The following EEF1E1 variants were observed in gnomAD, a reference collection of about 807,000 sequenced individuals.
EEF1E1 encodes eukaryotic translation elongation factor 1 epsilon-1.
Under a neutral mutation model 19.9 loss-of-function variants are expected in EEF1E1, and 19 were observed. The observed-to-expected ratio is 0.95, with a 90% CI of 0.66 to 1.40. EEF1E1 has a LOEUF of 1.40. EEF1E1 is among the 40% of genes most tolerant of loss of function. The pLI, the probability that EEF1E1 is intolerant of heterozygous loss-of-function variation, is 0.00. For missense variants in EEF1E1, 198 were observed against 202.2 expected, an observed-to-expected ratio of 0.98 and a Z score of 0.13; for synonymous variants, 81 against 80.0, an observed-to-expected ratio of 1.01 and a Z score of -0.07.
At chr6:8,078,893 G>C (rs1425311060), downstream of EEF1E1, among the ~76,000 whole-genome samples, 1 of 151,964 alleles carries the variant, frequency 6.6e-6, no homozygotes, top group Non-Finnish European at 1.5e-5. Context: ...TTAAAGTTCT[G>C]CTAGAACTTT....
Position 8,079,754 on chromosome 6 carries a change from GT to G in EEF1E1, c.*135del. 7.5e-7 allele frequency: 1 copy of G among 1,330,942 alleles called. No individual in the cohort carries two copies. Among genetic ancestry groups the G allele is most frequent in the Non-Finnish European group, 9.6e-7 (1 of 1,037,172 alleles). The allele number at this position is 1,330,942 out of a possible 1,614,324, so 82.4% of individuals were successfully genotyped here. Reference sequence around the variant, plus strand: ...GAACAAATAAAACATTCAGACACAAGTTTACACTTCAAAAATTCTATCAACT... The same window carrying G: ...GAACAAATAAAACATTCAGACACAAGTTACACTTCAAAAATTCTATCAACT... On this transcript the variant is annotated 3_prime_UTR_variant, in exon 4 of 4. Coordinates refer to ENST00000379715, the MANE Select transcript of EEF1E1 (RefSeq NM_004280.5).
chr6:8,087,735 A>T (rs752278253), intron 3 of EEF1E1, among the ~76,000 whole-genome samples: 10 of 152,222 alleles, frequency 6.6e-5, no homozygotes, highest in Non-Finnish European at 1.0e-4. Flanking sequence ...CTTACAGTCC[A>T]TCCTCTTTAG....
At chr6:8,096,732 AGC>A (rs1171155965) in intron 2 of EEF1E1, among the ~76,000 whole-genome samples, 57 of 152,126 alleles carry the variant, frequency 3.7e-4, no homozygotes, top group African/African-American at 1.3e-3. Flanking sequence ...GTAACTCTGA[AGC>A]TATATCCAGT....
intron 1 of EEF1E1, among the ~76,000 whole-genome samples, chr6:8,101,397 A>G (rs1758360943): frequency 6.7e-6 from 1 of 149,242 alleles, no homozygotes; most frequent in Non-Finnish European, 1.5e-5. Flanking sequence ...TAGGGGCCGA[A>G]GGGACGGAAT....
chr6:8,102,372 C>T, intron 1 of EEF1E1, 63 bp downstream of exon 1: 1 of 1,526,578 alleles, frequency 6.6e-7, no homozygotes, highest in East Asian at 2.3e-5. Context: ...CCGGGTCCTG[C>T]CAGGGCTCGG....
intron 1 of EEF1E1, among the ~76,000 whole-genome samples, chr6:8,100,122 C>A (rs559947133): frequency 1.3e-5 from 2 of 152,222 alleles, no homozygotes; most frequent in South Asian, 4.1e-4. Context: ...TGCTAAAATG[C>A]TTTAATTAAA....
At chr6:8,076,714 G>C (rs1172958661), downstream of EEF1E1, among the ~76,000 whole-genome samples, 1 of 152,200 alleles carries the variant, frequency 6.6e-6, no homozygotes, top group Non-Finnish European at 1.5e-5. Flanking sequence ...TAGCAGGCAT[G>C]AAAACACTGT....
chr6:8,100,548 C>G (rs1324840485), intron 1 of EEF1E1, among the ~76,000 whole-genome samples: 1 of 152,144 alleles, frequency 6.6e-6, no homozygotes, highest in Non-Finnish European at 1.5e-5. Flanking sequence ...GTCCAGCTAT[C>G]ACCGGACCTT....
chr6:8,090,883 G>A (rs2113653620), intron 2 of EEF1E1, among the ~76,000 whole-genome samples: 1 of 152,226 alleles, frequency 6.6e-6, no homozygotes, highest in South Asian at 2.1e-4. Flanking sequence ...TTCTTTTTTA[G>A]GGCTGCATAA....
chr6:8,076,504 T>TA (rs1436805225), downstream of EEF1E1, among the ~76,000 whole-genome samples: 1 of 152,000 alleles, frequency 6.6e-6, no homozygotes, highest in Non-Finnish European at 1.5e-5. Context: ...TTTGTATTTT[T>TA]AGTACAGACG....
intron 3 of EEF1E1, among the ~76,000 whole-genome samples, chr6:8,088,788 A>G (rs946062437): frequency 1.3e-5 from 2 of 152,244 alleles, no homozygotes; most frequent in East Asian, 1.9e-4. Context: ...AGGATGCACA[A>G]TCAGGCAGGC....
intron 2 of EEF1E1, among the ~76,000 whole-genome samples, chr6:8,092,727 T>C (rs549635416): frequency 4.1e-4 from 63 of 152,318 alleles, no homozygotes; most frequent in Non-Finnish European, 8.1e-4. Flanking sequence ...AAATAAAATA[T>C]CTTCATTAAA....
intron 2 of EEF1E1, among the ~76,000 whole-genome samples, chr6:8,093,324 C>CTTTTTTT (rs57000456): frequency 2.2e-5 from 3 of 135,052 alleles, no homozygotes; most frequent in Admixed American, 7.4e-5. Context: ...CATTCGCTTC[C>CTTTTTTT]TTTTTTTTTT....
chr6:8,079,528 T>C lies in EEF1E1; in HGVS notation c.*362A>G. ...TAAATATCCATAAGGGGAAAATGAA[T>C]TTTAGAATATGAAAGAGAGGTTAAT... On this transcript the variant is annotated 3_prime_UTR_variant, in exon 4 of 4. Coordinates refer to ENST00000379715, the MANE Select transcript of EEF1E1 (RefSeq NM_004280.5). The C allele has an allele frequency of 1.0e-6, 1 of 997,812 alleles. No individual in the cohort carries two copies. The highest frequency in any genetic ancestry group is 1.7e-5 in the African/African-American group (1 of 57,754). The allele number at this position is 997,812 out of a possible 1,614,324, so 61.8% of individuals were successfully genotyped here.
intron 3 of EEF1E1, among the ~76,000 whole-genome samples, chr6:8,081,049 ATT>A (rs1757711327): frequency 6.6e-6 from 1 of 152,260 alleles, no homozygotes. Context: ...TGCAGTAATT[ATT>A]ACAGAATACA....
chr6:8,098,780 G>A (rs1561645705), intron 1 of EEF1E1, among the ~76,000 whole-genome samples: 2 of 152,162 alleles, frequency 1.3e-5, no homozygotes, highest in South Asian at 4.1e-4. Flanking sequence ...ATCAACATGT[G>A]TGTACTGAAT....
intron 3 of EEF1E1, among the ~76,000 whole-genome samples, chr6:8,084,299 C>T (rs1757790979): frequency 6.6e-6 from 1 of 152,116 alleles, no homozygotes; most frequent in African/African-American, 2.4e-5. Context: ...AACCAAGTAC[C>T]CTCCAGTGCA....
intron 1 of EEF1E1, among the ~76,000 whole-genome samples, chr6:8,100,664 G>C (rs969790773): frequency 4.6e-5 from 7 of 151,914 alleles, no homozygotes; most frequent in African/African-American, 1.5e-4. Flanking sequence ...AAAATCCCCA[G>C]CCAGCCTTTG....
At chr6:8,102,354 T>C in intron 1 of EEF1E1, 81 bp downstream of exon 1, 1 of 1,395,718 alleles carries the variant, frequency 7.2e-7, no homozygotes, top group African/African-American at 1.4e-5. Flanking sequence ...CCGTATCTGG[T>C]GGCCGGCCCG....
Sources: allele counts gnomAD v4.1 joint callset (sites outside exome capture counted in the v4.1 genomes callset), GRCh38; gene constraint gnomAD v4.1.1; transcripts MANE v1.5; gene names NCBI Gene and HGNC (gene_info 2026-07-23, HGNC 2026-07-21).